CFAP57: variants seen among roughly 807,000 people sequenced by gnomAD.
CFAP57 encodes the protein cilia and flagella associated protein 57.
Under a neutral mutation model 146.8 loss-of-function variants are expected in CFAP57, and 116 were observed. The observed-to-expected ratio is 0.79, with a 90% CI of 0.68 to 0.92. CFAP57 has a LOEUF of 0.92. CFAP57 is among the 40% of genes least tolerant of loss of function. CFAP57 has a pLI of 0.00. For missense variants in CFAP57, 1,377 were observed against 1,527.2 expected, an observed-to-expected ratio of 0.90 and a Z score of 1.64; for synonymous variants, 518 against 552.8, an observed-to-expected ratio of 0.94 and a Z score of 0.88.
chr1:43,237,794 T>C (rs1445042725), intron 21 of CFAP57, among the ~76,000 whole-genome samples: 1 of 152,108 alleles, frequency 6.6e-6, no homozygotes, highest in African/African-American at 2.4e-5. Context: ...CTGAGGGTCA[T>C]GTTGGAAAGG....
intron 9 of CFAP57, among the ~76,000 whole-genome samples, chr1:43,204,430 A>C (rs1644272199): frequency 6.6e-6 from 1 of 151,212 alleles, no homozygotes; most frequent in Non-Finnish European, 1.5e-5. Context: ...TTATGTTTCA[A>C]TTTTTTGTTG....
intron 22 of CFAP57, among the ~76,000 whole-genome samples, chr1:43,247,269 C>A (rs1557837794): frequency 6.6e-6 from 1 of 152,200 alleles, no homozygotes; most frequent in Non-Finnish European, 1.5e-5. Context: ...CCAACCCCAA[C>A]ATTTCCCCAC....
At chr1:43,204,163 T>C (rs1320283823) in intron 9 of CFAP57, among the ~76,000 whole-genome samples, 3 of 152,254 alleles carry the variant, frequency 2.0e-5, no homozygotes. Context: ...AACTCCAGAA[T>C]TTCCATTTGA....
chr1:43,219,529 A>G lies in CFAP57; in HGVS notation c.2239A>G (p.Lys747Glu). The change falls in exon 13 of 23, where the codon AAA becomes GAA. Residue 747 changes from lysine (K) to glutamate (E), a missense_variant. By Grantham distance (56) the Lys-to-Glu change is moderately conservative (BLOSUM62 1). Coordinates refer to ENST00000372492, the MANE Select transcript of CFAP57 (RefSeq NM_001378189.1). ...FIQEMESLKTKNQVLRTEKEK... is the reference protein window; with the variant it reads ...FIQEMESLKTENQVLRTEKEK... ...CCAGGAAATGGAGTCCTTGAAAACAAAAAACCAGGTCTGTTTAAGAGACTG... is the reference window on the plus strand; with the variant it reads ...CCAGGAAATGGAGTCCTTGAAAACAGAAAACCAGGTCTGTTTAAGAGACTG... 4 of 1,550,536 alleles carry G rather than the reference A, an allele frequency of 2.6e-6. No individual in the cohort carries two copies. The highest frequency in any genetic ancestry group is 2.6e-6 in the Non-Finnish European group (3 of 1,146,974).
intron 17 of CFAP57, among the ~76,000 whole-genome samples, chr1:43,226,656 A>T (rs1645252603): frequency 6.6e-6 from 1 of 152,232 alleles, no homozygotes; most frequent in South Asian, 2.1e-4. Context: ...CCACCTCCTG[A>T]TGGAGAAGCA....
intron 5 of CFAP57, 86 bp from the exon 6 acceptor site, chr1:43,186,621 A>G: frequency 8.4e-7 from 1 of 1,185,650 alleles, no homozygotes. Flanking sequence ...AAAAAAAAAA[A>G]AAAAAAAAAA....
rs373943745 is a variant in CFAP57 at position 43,231,718 on chromosome 1, A to AAG, written c.3010-790_3010-789insAG. On this transcript the variant is annotated intron_variant, in intron 18 of 22. Transcript: ENST00000372492. ...AAAATACAAAAAAAAAAAAAAAAAA[A>AAG]TTAGTTGGGCATGGTGGCAATTGCC... Among the ~76,000 whole-genome samples, 55 of 144,346 alleles carry AAG rather than the reference A, an allele frequency of 3.8e-4. 1 individual carries two copies. The highest frequency in any genetic ancestry group is 7.7e-4 in the Admixed American group (11 of 14,258). The allele number at this position is 144,346 out of a possible 152,430, so 94.7% of individuals were successfully genotyped here.
At position 43,234,650 on chromosome 1, in the gene CFAP57, C is replaced by T. The variant is rs1482048741; in HGVS notation, c.3405+12C>T. On this transcript the variant is annotated intron_variant, in intron 21 of 22. Transcript: ENST00000372492. ...TCCGCATCATGCAGGTACCTGCATG[C>T]TCCCCTCAGCCCCTGTGGAGGCCAA... 2.6e-6 allele frequency: 4 copies of T among 1,540,416 alleles called. No homozygotes were observed. The highest frequency in any genetic ancestry group is 2.0e-5 in the Admixed American group (1 of 50,646).
rs753374489 is a variant in CFAP57 at position 43,183,831 on chromosome 1, C to T, written c.715C>T (p.Pro239Ser). Residue 239 changes from proline (P) to serine (S), a missense_variant, in exon 4 of 23, where the codon CCT becomes TCT. Physicochemically the swap from Pro to Ser is moderately conservative, Grantham distance 74 (BLOSUM62 -1). Coordinates refer to ENST00000372492, the MANE Select transcript of CFAP57 (RefSeq NM_001378189.1). ...GGAGACCAGCATAATGGTCAAGGAA[C>T]CTACCAATGGCTCAAAGAGCCTGGA... ...RWETSIMVKE[P>S]TNGSKSLDVI... is the part of the protein sequence containing the mutation. 1.9e-6 allele frequency: 3 copies of T among 1,614,182 alleles called. No homozygotes were observed. The highest frequency in any genetic ancestry group is 2.5e-6 in the Non-Finnish European group (3 of 1,180,020).
chr1:43,222,185 G>C lies in CFAP57; in HGVS notation c.2422G>C (p.Glu808Gln), dbSNP rs1570204867. ...GCTCAAGTCCCAGAGGATGCAGGAA[G>C]AGTATGAAAAACAGCTCCGGGATAA... is the stretch of plus-strand genomic sequence containing the variant. ...LQLKSQRMQEEYEKQLRDNDE... is the reference protein window; with the variant it reads ...LQLKSQRMQEQYEKQLRDNDE... Residue 808 changes from glutamate to glutamine, a missense_variant, in exon 15 of 23, where the codon GAG becomes CAG. Coordinates refer to ENST00000372492, the MANE Select transcript of CFAP57 (RefSeq NM_001378189.1). 1 of 1,545,978 alleles carries C rather than the reference G, an allele frequency of 6.5e-7. No homozygotes were observed. Among genetic ancestry groups the C allele is most frequent in the Non-Finnish European group, 8.7e-7 (1 of 1,144,332 alleles).
At chr1:43,203,184 A>G (rs984507134) in intron 9 of CFAP57, among the ~76,000 whole-genome samples, 17 of 152,160 alleles carry the variant, frequency 1.1e-4, no homozygotes, top group Middle Eastern at 3.4e-3. Context: ...AAACAAAACA[A>G]AACAAAACAA....
At chr1:43,224,946 T>C (rs1307464320) in intron 17 of CFAP57, among the ~76,000 whole-genome samples, 3 of 152,174 alleles carry the variant, frequency 2.0e-5, no homozygotes, top group Non-Finnish European at 4.4e-5. Context: ...ACCTATAAAA[T>C]GGGGATGATA....
At chr1:43,215,153 G>T in intron 11 of CFAP57, 102 bp from the exon 12 acceptor site, 1 of 1,366,478 alleles carries the variant, frequency 7.3e-7, no homozygotes, top group Non-Finnish European at 1.0e-6. Flanking sequence ...CTGTGAGGCT[G>T]TGCCCAGGAT....
At chr1:43,174,836 T>C (rs1188679843) in intron 2 of CFAP57, among the ~76,000 whole-genome samples, 4 of 152,132 alleles carry the variant, frequency 2.6e-5, no homozygotes, top group African/African-American at 9.7e-5. Flanking sequence ...ATAAAAAAGA[T>C]CATATGACTT....
intron 7 of CFAP57, among the ~76,000 whole-genome samples, chr1:43,198,224 A>G (rs1176640680): frequency 6.6e-6 from 1 of 152,142 alleles, no homozygotes; most frequent in African/African-American, 2.4e-5. Flanking sequence ...TACTTGGACA[A>G]TACTCATGAA....
At chr1:43,191,631 A>T (rs1476252240) in intron 6 of CFAP57, among the ~76,000 whole-genome samples, 7 of 146,138 alleles carry the variant, frequency 4.8e-5, no homozygotes, top group African/African-American at 1.5e-4. Flanking sequence ...TTCATTTCTG[A>T]TTGTATTAAT....
In CFAP57 at chr1:43,234,628, G is replaced by A. The variant is rs772518661; in HGVS notation, c.3395G>A (p.Arg1132His). The change falls in exon 21 of 23, where the codon CGC becomes CAC. Residue 1132 changes from arginine (R) to histidine (H), a missense_variant. Transcript: ENST00000372492. ...GAGCTGCACCGCACAGACTACGTCC[G>A]CATCATGCAGGTACCTGCATGCTCC... The part of the protein sequence containing the change: ...EGELHRTDYV[R>H]IMQENVSLIK... 22 of 1,549,024 alleles carry A rather than the reference G, an allele frequency of 1.4e-5. No homozygotes were observed. Among genetic ancestry groups the A allele is most frequent in the African/African-American group, 6.9e-5 (5 of 72,974 alleles).
At chr1:43,200,856 C>T (rs983092617) in intron 9 of CFAP57, among the ~76,000 whole-genome samples, 6 of 152,084 alleles carry the variant, frequency 3.9e-5, no homozygotes, top group Admixed American at 6.5e-5. Context: ...CGAGAAACAA[C>T]GGAAAGGATT....
At chr1:43,236,929 T>G (rs1645728416) in intron 21 of CFAP57, among the ~76,000 whole-genome samples, 1 of 147,122 alleles carries the variant, frequency 6.8e-6, no homozygotes. Flanking sequence ...AAAAAGGCAA[T>G]TTCCATCCTC....
Sources: gnomAD v4.1 joint callset for allele counts (sites outside exome capture counted in the v4.1 genomes callset) on GRCh38, gnomAD v4.1.1 for gene constraint, MANE v1.5 for transcripts, NCBI Gene and HGNC (gene_info 2026-07-23, HGNC 2026-07-21) for gene names.